AP5M1: variants seen among roughly 807,000 people sequenced by gnomAD.
AP5M1 encodes AP-5 complex subunit mu-1.
AP5M1 carries 44 observed loss-of-function variants against 52.3 expected under a neutral mutation model. That is an observed-to-expected ratio of 0.84 (90% CI 0.66 to 1.08). AP5M1 has a LOEUF of 1.08. Ranked by LOEUF, AP5M1 falls within the 50% of genes least tolerant of loss-of-function variation. The pLI, the probability that AP5M1 is intolerant of heterozygous loss-of-function variation, is 0.00. For synonymous variants in AP5M1, 213 were observed against 199.0 expected (o/e 1.07, Z -0.59); for missense variants, 526 against 568.4 (o/e 0.93, Z 0.76).
At chr14:57,275,175 A>G (rs981237140) in intron 2 of AP5M1, 1 of 408,814 alleles carries the variant, frequency 2.4e-6, no homozygotes, top group East Asian at 5.6e-5. Context: ...GGGTAGAATC[A>G]CTCATGAAGT....
At position 57,291,283 on chromosome 14, in the gene AP5M1, C is replaced by T. The variant is rs1158854427; in HGVS notation, c.*2399C>T. ...GATAGTGTCAGACCTTCTCTAGATGCAAAATTGCTAAATTCCCTTTTAGTG... is the reference window on the plus strand; with the variant it reads ...GATAGTGTCAGACCTTCTCTAGATGTAAAATTGCTAAATTCCCTTTTAGTG... On this transcript the variant is annotated 3_prime_UTR_variant, in exon 8 of 8. Coordinates refer to ENST00000261558, the MANE Select transcript of AP5M1 (RefSeq NM_018229.4). The T allele has an allele frequency of 6.6e-6, 1 of 151,686 alleles. No individual in the cohort carries two copies. The highest frequency in any genetic ancestry group is 1.9e-4 in the East Asian group (1 of 5,170). 9.4% of individuals were successfully genotyped at this position (151,686 alleles called of 1,614,324 possible).
At position 57,274,235 on chromosome 14, in the gene AP5M1, G is replaced by T; in HGVS notation, c.75-9G>T. 5 of 1,567,938 alleles carry T rather than the reference G, an allele frequency of 3.2e-6. No individual in the cohort carries two copies. The South Asian group carries it at 3.6e-5, about 11-fold the overall frequency. ...AATCATTTATAATGTTTCTGTTTCC[G>T]TAATGCAGACGGTATCCAACTGTTG... On this transcript the variant is annotated splice_polypyrimidine_tract_variant and intron_variant, in intron 1 of 7. Coordinates refer to ENST00000261558, the MANE Select transcript of AP5M1 (RefSeq NM_018229.4).
chr14:57,287,620 TGAAA>T (rs1285771705), intron 7 of AP5M1, among the ~76,000 whole-genome samples: 1 of 152,256 alleles, frequency 6.6e-6, no homozygotes, highest in East Asian at 1.9e-4. Flanking sequence ...CAAAATATGT[TGAAA>T]GAACTCATTT....
At chr14:57,284,761 T>G (rs1885268802) in intron 6 of AP5M1, among the ~76,000 whole-genome samples, 1 of 152,220 alleles carries the variant, frequency 6.6e-6, no homozygotes, top group Non-Finnish European at 1.5e-5. Context: ...ATTCATTGTT[T>G]TATTCCAAAT....
chr14:57,288,845 A>T lies in AP5M1; in HGVS notation c.1434A>T (p.Lys478Asn). ...CTGATTATTACATCTGGAATTCTAA[A>T]GCCCCTGCTCCAGTAACATATGGAT... is the stretch of plus-strand genomic sequence containing the variant. ...ISSDYYIWNSKAPAPVTYGSL... is the reference protein window; with the variant it reads ...ISSDYYIWNSNAPAPVTYGSL... Residue 478 changes from lysine (K) to asparagine (N), a missense_variant, in exon 8 of 8, where the codon AAA (lysine) becomes AAT (asparagine). Lys to Asn is a moderately conservative substitution (Grantham distance 94). Transcript: ENST00000261558. 1 of 1,589,480 alleles carries T rather than the reference A, an allele frequency of 6.3e-7. No individual in the cohort carries two copies. Among genetic ancestry groups the T allele is most frequent in the Non-Finnish European group, 8.6e-7 (1 of 1,160,102 alleles).
intron 3 of AP5M1, among the ~76,000 whole-genome samples, chr14:57,280,951 T>A (rs1045665113): frequency 1.3e-5 from 2 of 152,126 alleles, no homozygotes; most frequent in African/African-American, 2.4e-5. Context: ...ACTTTTTTTT[T>A]AATATTCCCT....
In AP5M1 at chr14:57,288,886, A is replaced by T; in HGVS notation, c.*2A>T. 1.3e-6 allele frequency: 2 copies of T among 1,492,144 alleles called. No individual in the cohort carries two copies. Among genetic ancestry groups the T allele is most frequent in the Non-Finnish European group, 1.9e-6 (2 of 1,079,604 alleles). The allele number at this position is 1,492,144 out of a possible 1,614,324, so 92.4% of individuals were successfully genotyped here. ...ACATATGGATCATTATTATTGTAATAGTCTCATGTTTAAATGGGATTATAT... is the reference window on the plus strand; with the variant it reads ...ACATATGGATCATTATTATTGTAATTGTCTCATGTTTAAATGGGATTATAT... On this transcript the variant is annotated 3_prime_UTR_variant, in exon 8 of 8. Coordinates refer to ENST00000261558, the MANE Select transcript of AP5M1 (RefSeq NM_018229.4).
At chr14:57,271,097 A>AT (rs1177104761) in intron 1 of AP5M1, 2 of 152,224 alleles carry the variant, frequency 1.3e-5, no homozygotes, top group Non-Finnish European at 2.9e-5. Flanking sequence ...AAATAGCCAC[A>AT]TGTGGGTAGT....
Position 57,282,982 on chromosome 14 carries a change from A to C in AP5M1, c.1137A>C (p.Glu379Asp), listed in dbSNP as rs10140245. The change falls in exon 5 of 8, where the codon GAA (glutamate) becomes GAC (aspartate). Residue 379 changes from glutamate to aspartate, a missense_variant. By Grantham distance (45) the Glu-to-Asp change is conservative (BLOSUM62 2). Transcript: ENST00000261558. ...LEYKTSFGQL[E>D]VFREKSLLIW... Reference sequence around the variant, plus strand: ...ACAAAACTAGTTTTGGCCAGCTTGAAGTATTTCGAGAGAAAAGCTTATTGA... The same window carrying C: ...ACAAAACTAGTTTTGGCCAGCTTGACGTATTTCGAGAGAAAAGCTTATTGA... 12,797 of 1,601,374 alleles carry C rather than the reference A, an allele frequency of 8.0e-3. 849 individuals are homozygous for C. The African/African-American group carries it at 0.15, about 19-fold the overall frequency.
chr14:57,282,167 C>T lies in AP5M1; in HGVS notation c.1027C>T (p.Leu343Phe), dbSNP rs1295753638. ...VQLRITINLK[L>F]HESVKNNFEF... is the part of the protein sequence containing the mutation. ...ACTAAGAATAACCATTAATTTAAAA[C>T]TTCATGAAAGTGTGAAAAATAATTT... The change falls in exon 4 of 8, where the codon CTT becomes TTT. Residue 343 changes from leucine (L) to phenylalanine (F), a missense_variant. Transcript: ENST00000261558. 7.6e-6 allele frequency: 12 copies of T among 1,579,622 alleles called. No homozygotes were observed. The highest frequency in any genetic ancestry group is 1.0e-5 in the Non-Finnish European group (12 of 1,167,184).
intron 3 of AP5M1, among the ~76,000 whole-genome samples, chr14:57,281,764 A>C (rs1253916797): frequency 6.6e-6 from 1 of 152,250 alleles, no homozygotes; most frequent in East Asian, 1.9e-4. Flanking sequence ...AATTGGAGCA[A>C]CAGGAGCTGT....
chr14:57,273,398 G>A (rs896251255), intron 1 of AP5M1, among the ~76,000 whole-genome samples: 20 of 152,112 alleles, frequency 1.3e-4, no homozygotes, highest in Admixed American at 7.2e-4. Context: ...ATAGGCAAAG[G>A]GAAGTTAAGT....
intron 7 of AP5M1, chr14:57,286,592 A>G: frequency 3.6e-6 from 1 of 277,282 alleles, no homozygotes; most frequent in Non-Finnish European, 6.8e-6. Context: ...TTATTCAGAG[A>G]TGTGATTCAC....
chr14:57,269,343 G>A lies in AP5M1; in HGVS notation c.29G>A (p.Ser10Asn), dbSNP rs745806872. 8.1e-6 allele frequency: 13 copies of A among 1,614,148 alleles called. No individual in the cohort carries two copies. Among genetic ancestry groups the A allele is most frequent in the Non-Finnish European group, 1.1e-5 (13 of 1,180,022 alleles). The change falls in exon 1 of 8, where the codon AGC becomes AAC. Residue 10 changes from serine (S) to asparagine (N), a missense_variant. Around this residue, in one of 3 missense-constraint regions of AP5M1, gnomAD observed 425 missense variants for 430.6 expected, o/e 0.99. Transcript: ENST00000261558. ...GCGCAGCGGGCAGTGTGGCTCATAA[G>A]CCACGAACCGGGAACTCCACTTTGT... Reference protein sequence around the residue: MAQRAVWLISHEPGTPLCGT... With the variant: MAQRAVWLINHEPGTPLCGT...
rs532454982 is a variant in AP5M1, at chr14:57,278,588, G to C, written c.721-1607G>C. Reference sequence around the variant, plus strand: ...CAGACTACATAGGGAAGAAGATCCTGGGCTTCTCTACATAGCAAAGGTAGG... The same window carrying C: ...CAGACTACATAGGGAAGAAGATCCTCGGCTTCTCTACATAGCAAAGGTAGG... On this transcript the variant is annotated intron_variant, in intron 2 of 7. Transcript: ENST00000261558. 4.6e-5 allele frequency: 7 copies of C among 152,298 alleles called. No individual in the cohort carries two copies. The South Asian group carries it at 1.5e-3, about 32-fold the overall frequency. 9.4% of individuals were successfully genotyped at this position (152,298 alleles called of 1,614,324 possible).
intron 2 of AP5M1, among the ~76,000 whole-genome samples, chr14:57,275,960 T>C (rs902840681): frequency 6.6e-6 from 1 of 152,216 alleles, no homozygotes; most frequent in Non-Finnish European, 1.5e-5. Context: ...GTATACTTTT[T>C]ATATGTCAAA....
At position 57,291,904 on chromosome 14, in the gene AP5M1, A is replaced by T. The variant is rs1160209536; in HGVS notation, c.*3020A>T. 6.6e-6 allele frequency: 1 copy of T among 151,780 alleles called. No homozygotes were observed. Among genetic ancestry groups the T allele is most frequent in the East Asian group, 1.9e-4 (1 of 5,180 alleles). The allele number at this position is 151,780 out of a possible 1,614,324, so 9.4% of individuals were successfully genotyped here. On this transcript the variant is annotated 3_prime_UTR_variant, in exon 8 of 8. Transcript: ENST00000261558. ...GGCCTTCTGTAGGGACTGCTGCCAC[A>T]ACAGAGTGGTTGTTCCTAAGACAAA...
chr14:57,274,794 GTTTCTA>G lies in AP5M1; in HGVS notation c.633_638del (p.Ser212_Ile213del). On this transcript the variant is annotated inframe_deletion, in exon 2 of 8. Transcript: ENST00000261558. ...TGGGACGTACAAAGGAAAACCACAA[GTTTCTA>G]TTTCTATCACTGAAAAGGTAAAATC... 3 of 1,614,148 alleles carry G rather than the reference GTTTCTA, an allele frequency of 1.9e-6. No individual in the cohort carries two copies. The highest frequency in any genetic ancestry group is 1.7e-6 in the Non-Finnish European group (2 of 1,180,026).
At chr14:57,281,908 A>C (rs770842303) in intron 3 of AP5M1, among the ~76,000 whole-genome samples, 181 bp from the exon 4 acceptor site, 8 of 152,194 alleles carry the variant, frequency 5.3e-5, no homozygotes, top group Non-Finnish European at 1.0e-4. Context: ...CGCTTTTCTC[A>C]TCTCCGAAAA....
Sources: allele counts gnomAD v4.1 joint callset (sites outside exome capture counted in the v4.1 genomes callset), GRCh38; gene constraint gnomAD v4.1.1; regional missense constraint gnomAD v4.1.1; transcripts MANE v1.5; gene names NCBI Gene and HGNC (gene_info 2026-07-23, HGNC 2026-07-21).